Variants in COL4A5 observed in about 807,000 individuals in gnomAD.
COL4A5 encodes collagen alpha-5(IV) chain.
In COL4A5, 26 loss-of-function variants were observed where a neutral mutation model predicts 130.2. That is an observed-to-expected ratio of 0.20 (90% confidence interval 0.15 to 0.28). COL4A5 has a LOEUF of 0.28. Among genes scored for constraint, COL4A5 ranks in the 10% least tolerant of loss-of-function variants. The pLI is 1.00. For missense variants in COL4A5, 1,131 were observed against 1,344.3 expected, an observed-to-expected ratio of 0.84 and a Z score of 2.48; for synonymous variants, 496 against 439.6, an observed-to-expected ratio of 1.13 and a Z score of -1.60.
chrX:108,491,621 G>A (rs948936963), intron 1 of COL4A5, among the ~76,000 whole-genome samples: 2 of 111,617 alleles, frequency 1.8e-5, no homozygotes, highest in Non-Finnish European at 3.8e-5. Context: ...ATCTCAGTAG[G>A]AGAGATTTGT....
chrX:108,526,595 CCTTTCTTTCTTTCTTTCTTTCTTTCTTT>C (rs1166494631), intron 1 of COL4A5, among the ~76,000 whole-genome samples: 5 of 33,292 alleles, frequency 1.5e-4, no homozygotes, highest in African/African-American at 3.8e-4. Context: ...CTCCCTCCCT[CCTTTCTTTCTTTCTTTCTTTCTTTCTTT>C]CTTTCTTTCT....
chrX:108,478,298 C>T (rs1000503016), intron 1 of COL4A5, among the ~76,000 whole-genome samples: 9 of 111,105 alleles, frequency 8.1e-5, no homozygotes, highest in Non-Finnish European at 1.7e-4. Context: ...GTTGTTGTGT[C>T]TCCTGGTGGC....
chrX:108,473,613 G>GTGTATATATATATATATATA (rs1556359434), intron 1 of COL4A5, among the ~76,000 whole-genome samples: 1 of 46,100 alleles, frequency 2.2e-5, no homozygotes, highest in Non-Finnish European at 4.4e-5. Flanking sequence ...ATATATATAT[G>GTGTATATATATATATATATA]TATATATATA....
Position 108,539,776 on chromosome X carries a change from T to G in COL4A5, c.112T>G (p.Cys38Gly). 8.3e-7 allele frequency: 1 copy of G among 1,207,971 alleles called. No homozygotes were observed. Among genetic ancestry groups the G allele is most frequent in the East Asian group, 3.0e-5 (1 of 33,735 alleles). The change falls in exon 2 of 53, where the codon TGT (cysteine) becomes GGT (glycine). Residue 38 changes from cysteine to glycine, a missense_variant. By Grantham distance (159) the Cys-to-Gly change is radical. Transcript: ENST00000328300. ...CTATGGGTGTTCTCCAGGATCAAAG[T>G]GTGACTGCAGTGGCATAAAAGGGGA... ...ACYGCSPGSK[C>G]DCSGIKGEKG...
At chrX:108,624,493 C>T (rs1194061612) in intron 34 of COL4A5, among the ~76,000 whole-genome samples, 159 bp downstream of exon 34, 1 of 112,729 alleles carries the variant, frequency 8.9e-6, no homozygotes, top group African/African-American at 3.2e-5. Context: ...AAAAATATTG[C>T]CCTTTGGCTC....
intron 26 of COL4A5, among the ~76,000 whole-genome samples, 165 bp downstream of exon 26, chrX:108,601,650 C>A (rs993990694): frequency 2.7e-5 from 3 of 109,571 alleles, no homozygotes; most frequent in Middle Eastern, 4.6e-3. Flanking sequence ...CCTGCCTCAG[C>A]CTCCCAAGTA....
chrX:108,581,779 G>T (rs898008893), intron 16 of COL4A5, among the ~76,000 whole-genome samples: 23 of 109,891 alleles, frequency 2.1e-4, no homozygotes, highest in African/African-American at 6.9e-4. Flanking sequence ...ACACATTGAA[G>T]GATATTTTGG....
intron 28 of COL4A5, among the ~76,000 whole-genome samples, chrX:108,603,403 A>G (rs1402640693): frequency 1.8e-5 from 2 of 111,560 alleles, no homozygotes; most frequent in African/African-American, 6.5e-5. Context: ...AAAGTGAATC[A>G]CACAACTTTT....
At chrX:108,470,283 C>T (rs1428703595) in intron 1 of COL4A5, among the ~76,000 whole-genome samples, 1 of 112,407 alleles carries the variant, frequency 8.9e-6, no homozygotes, top group Non-Finnish European at 1.9e-5. Flanking sequence ...TCCCTTTTCT[C>T]TGCAGTCTCA....
intron 1 of COL4A5, among the ~76,000 whole-genome samples, chrX:108,507,459 A>G (rs1366387708): frequency 9.0e-6 from 1 of 111,705 alleles, no homozygotes; most frequent in Non-Finnish European, 1.9e-5. Context: ...AAACACAACT[A>G]AAGACAAGTC....
chrX:108,606,455 T>C (rs1222188349), intron 28 of COL4A5, among the ~76,000 whole-genome samples: 1 of 111,142 alleles, frequency 9.0e-6, no homozygotes, highest in Non-Finnish European at 1.9e-5. Flanking sequence ...TATAATCATA[T>C]TTCCCTACAA....
At chrX:108,663,574 T>C (rs1380245449) in intron 37 of COL4A5, among the ~76,000 whole-genome samples, 1 of 110,406 alleles carries the variant, frequency 9.1e-6, no homozygotes. Flanking sequence ...CTGTGGCCTG[T>C]GGAGCAGGGT....
intron 48 of COL4A5, among the ~76,000 whole-genome samples, chrX:108,687,007 A>G (rs976146451): frequency 2.7e-5 from 3 of 112,457 alleles, no homozygotes; most frequent in African/African-American, 9.7e-5. Context: ...ACAGAAAATT[A>G]TTAAATGAAC....
At chrX:108,566,002 T>G (rs1211575386) in intron 4 of COL4A5, among the ~76,000 whole-genome samples, 1 of 104,452 alleles carries the variant, frequency 9.6e-6, no homozygotes, top group Non-Finnish European at 1.9e-5. Context: ...TTTTTTTTTT[T>G]GATGTTAGGT....
At chrX:108,541,538 G>A (rs1005128637) in intron 2 of COL4A5, among the ~76,000 whole-genome samples, 2 of 112,244 alleles carry the variant, frequency 1.8e-5, no homozygotes, top group African/African-American at 6.5e-5. Flanking sequence ...AAAAACCCAT[G>A]GTCTTACTGG....
rs935906140 is a variant in COL4A5 at position 108,633,530 on chromosome X, A to AT, written c.3246+7190dup. On this transcript the variant is annotated intron_variant, in intron 36 of 52. Transcript: ENST00000328300. Reference sequence around the variant, plus strand: ...ATTTTTTTTCCAAATTTGTTCATGAATTTTTTTTTCTGGAATGAGTGAATT... The same window carrying AT: ...ATTTTTTTTCCAAATTTGTTCATGAATTTTTTTTTTCTGGAATGAGTGAATT... Among the ~76,000 whole-genome samples the AT allele has an allele frequency of 1.8e-3, 198 of 110,101 alleles. 1 individual carries two copies. The highest frequency in any genetic ancestry group is 2.9e-3 in the Non-Finnish European group (150 of 52,441).
At chrX:108,466,338 G>T (rs1374904176) in intron 1 of COL4A5, among the ~76,000 whole-genome samples, 1 of 111,408 alleles carries the variant, frequency 9.0e-6, no homozygotes, top group African/African-American at 3.3e-5. Flanking sequence ...TTTCCTTGGC[G>T]GTTTAAACAT....
chrX:108,678,652 G>A (rs2147976824), intron 44 of COL4A5, among the ~76,000 whole-genome samples: 1 of 111,324 alleles, frequency 9.0e-6, no homozygotes, highest in Non-Finnish European at 1.9e-5. Flanking sequence ...GGTTGCTTGA[G>A]GCCAGGAATT....
At position 108,577,955 on chromosome X, in the gene COL4A5, C is replaced by T. The variant is rs1569490376; in HGVS notation, c.613C>T (p.Pro205Ser). ...CTCTTTTGTCTTCTCTTCTTAGGGC[C>T]CTCCTGGTCCACCAGGACTTCCAGG... ...GPPGPPGLMG[P>S]PGPPGLPGPK... is the part of the protein sequence containing the mutation. Residue 205 changes from proline (P) to serine (S), a missense_variant, in exon 11 of 53, where the codon CCT becomes TCT. Physicochemically the swap from Pro to Ser is moderately conservative, Grantham distance 74 (BLOSUM62 -1). Transcript: ENST00000328300. 2 of 1,197,935 alleles carry T rather than the reference C, an allele frequency of 1.7e-6. No individual in the cohort carries two copies. Among genetic ancestry groups the T allele is most frequent in the Non-Finnish European group, 2.3e-6 (2 of 884,625 alleles).
Sources: gnomAD v4.1 joint callset for allele counts (sites outside exome capture counted in the v4.1 genomes callset) on GRCh38, gnomAD v4.1.1 for gene constraint, MANE v1.5 for transcripts, NCBI Gene and HGNC (gene_info 2026-07-23, HGNC 2026-07-21) for gene names.